The following ERC2 variants were observed in gnomAD, a reference collection of about 807,000 sequenced individuals.
ERC2 encodes the protein ELKS/RAB6-interacting/CAST family member 2.
In ERC2, 42 loss-of-function variants were observed where a neutral mutation model predicts 114.8. The observed-to-expected ratio is 0.37, with a 90% CI of 0.29 to 0.47. ERC2 has a LOEUF of 0.47. Ranked by LOEUF, ERC2 falls within the 20% of genes least tolerant of loss-of-function variation. ERC2 has a pLI of 0.99. For missense variants in ERC2, 939 were observed against 1,150.7 expected (o/e 0.82, Z 2.66); for synonymous variants, 454 against 425.5 (o/e 1.07, Z -0.82).
chr3:55,538,471 CTG>C (rs2054146352), intron 17 of ERC2, among the ~76,000 whole-genome samples: 1 of 152,240 alleles, frequency 6.6e-6, no homozygotes, highest in African/African-American at 2.4e-5. Flanking sequence ...CTGTCCCACA[CTG>C]GGGACTGGGT....
At chr3:56,266,812 T>C (rs929298488) in intron 3 of ERC2, among the ~76,000 whole-genome samples, 1 of 152,224 alleles carries the variant, frequency 6.6e-6, no homozygotes, top group African/African-American at 2.4e-5. Context: ...TAAATACTGT[T>C]GGTCAGAATG....
At chr3:55,785,350 G>T (rs966646083) in intron 14 of ERC2, among the ~76,000 whole-genome samples, 1 of 152,186 alleles carries the variant, frequency 6.6e-6, no homozygotes, top group Non-Finnish European at 1.5e-5. Flanking sequence ...GAAAACAGAT[G>T]CTGTTGAACT....
At chr3:56,212,790 C>CAT (rs199976351) in intron 3 of ERC2, among the ~76,000 whole-genome samples, 3 of 129,600 alleles carry the variant, frequency 2.3e-5, no homozygotes, top group South Asian at 2.4e-4. Flanking sequence ...TATACATATA[C>CAT]ATATACACAC....
chr3:56,423,715 A>T (rs946323513), intron 2 of ERC2, among the ~76,000 whole-genome samples: 1 of 152,076 alleles, frequency 6.6e-6, no homozygotes, highest in Non-Finnish European at 1.5e-5. Context: ...TGCACGTGCC[A>T]GAATTCGGTT....
chr3:55,564,794 G>C (rs964013539), intron 17 of ERC2, among the ~76,000 whole-genome samples: 2 of 152,302 alleles, frequency 1.3e-5, no homozygotes, highest in African/African-American at 4.8e-5. Context: ...ACTAAGGCTG[G>C]AGCTTGCGAG....
At chr3:55,977,578 G>A (rs560899849) in intron 12 of ERC2, among the ~76,000 whole-genome samples, 23 of 152,308 alleles carry the variant, frequency 1.5e-4, no homozygotes, top group Admixed American at 5.9e-4. Context: ...TTTGAAAAGC[G>A]CATTGCACTG....
chr3:55,812,529 T>A (rs1293388178), intron 14 of ERC2, among the ~76,000 whole-genome samples: 1 of 152,172 alleles, frequency 6.6e-6, no homozygotes, highest in Non-Finnish European at 1.5e-5. Context: ...TCACAATTAC[T>A]GCTATAATCT....
intron 3 of ERC2, among the ~76,000 whole-genome samples, chr3:56,220,695 A>G (rs1197218567): frequency 6.6e-6 from 1 of 152,242 alleles, no homozygotes; most frequent in African/African-American, 2.4e-5. Context: ...TGCCACAGAG[A>G]ATATCACTAG....
intron 14 of ERC2, among the ~76,000 whole-genome samples, chr3:55,790,565 G>C (rs984979392): frequency 1.3e-5 from 2 of 152,156 alleles, no homozygotes; most frequent in Non-Finnish European, 2.9e-5. Context: ...ATGCTCCTAA[G>C]AGCATCCCTC....
chr3:56,031,861 T>C (rs1354684908), intron 7 of ERC2, among the ~76,000 whole-genome samples: 4 of 152,218 alleles, frequency 2.6e-5, no homozygotes, highest in Non-Finnish European at 1.5e-5. Context: ...CTGGGATTTT[T>C]GGTATAGTCT....
intron 2 of ERC2, among the ~76,000 whole-genome samples, chr3:56,401,272 T>C (rs2060509611): frequency 6.6e-6 from 1 of 152,224 alleles, no homozygotes; most frequent in African/African-American, 2.4e-5. Context: ...CTTTACAAAT[T>C]AATCAACTGA....
At chr3:55,766,374 T>C (rs892685879) in intron 14 of ERC2, among the ~76,000 whole-genome samples, 19 of 152,044 alleles carry the variant, frequency 1.2e-4, no homozygotes, top group African/African-American at 4.6e-4. Context: ...TTTATTTATT[T>C]TTTAGATGGA....
intron 1 of ERC2, among the ~76,000 whole-genome samples, chr3:56,456,044 T>C (rs960907070): frequency 6.6e-6 from 1 of 152,232 alleles, no homozygotes; most frequent in Non-Finnish European, 1.5e-5. Context: ...TAAACAACTT[T>C]GATCTGGTAA....
chr3:55,722,636 T>C (rs1311581255), intron 15 of ERC2, among the ~76,000 whole-genome samples: 3 of 152,238 alleles, frequency 2.0e-5, no homozygotes, highest in Non-Finnish European at 4.4e-5. Flanking sequence ...TTCACTGTTG[T>C]GTCTCCGGTG....
Position 56,252,232 on chromosome 3 carries a change from A to G in ERC2, c.1074+43787T>C, listed in dbSNP as rs562495810. Among the ~76,000 whole-genome samples, 10 of 152,276 alleles carry G rather than the reference A, an allele frequency of 6.6e-5. No homozygotes were observed. In the South Asian group the frequency reaches 1.2e-3, roughly 19 times the overall value. On this transcript the variant is annotated intron_variant, in intron 3 of 17. Transcript: ENST00000288221. The stretch of plus-strand genomic sequence containing the variant: ...AATAATACTTTCCTTCCAAGTTCTT[A>G]TGGTTATTTTTTAATCTGGCTGAAA...
chr3:56,112,602 G>A (rs2079023660), intron 6 of ERC2, among the ~76,000 whole-genome samples: 1 of 152,032 alleles, frequency 6.6e-6, no homozygotes, highest in Admixed American at 6.6e-5. Context: ...ATTATTAAAA[G>A]GTGATCCTGG....
At chr3:56,176,888 T>G (rs1264888481) in intron 3 of ERC2, among the ~76,000 whole-genome samples, 1 of 152,170 alleles carries the variant, frequency 6.6e-6, no homozygotes, top group Non-Finnish European at 1.5e-5. Flanking sequence ...TTCTGTCCAG[T>G]GGAATGTGGT....
At chr3:55,743,290 C>T (rs1252903823) in intron 14 of ERC2, among the ~76,000 whole-genome samples, 1 of 152,170 alleles carries the variant, frequency 6.6e-6, no homozygotes, top group Non-Finnish European at 1.5e-5. Context: ...CCAACTGGAC[C>T]AGAACACTCT....
chr3:56,390,885 C>T (rs1439713996), intron 2 of ERC2, among the ~76,000 whole-genome samples: 2 of 152,172 alleles, frequency 1.3e-5, no homozygotes, highest in Non-Finnish European at 2.9e-5. Flanking sequence ...AGACCATCCA[C>T]TTAAGGGTGG....
Sources: allele counts gnomAD v4.1 joint callset (sites outside exome capture counted in the v4.1 genomes callset), GRCh38; gene constraint gnomAD v4.1.1; transcripts MANE v1.5; gene names NCBI Gene and HGNC (gene_info 2026-07-23, HGNC 2026-07-21).